NOTUM: variants seen among roughly 807,000 people sequenced by gnomAD.
The protein encoded by NOTUM is notum, palmitoleoyl-protein carboxylesterase.
Under a neutral mutation model 65.5 loss-of-function variants are expected in NOTUM, and 36 were observed. The observed-to-expected ratio is 0.55, with a 90% CI of 0.42 to 0.73. The LOEUF is 0.73. Ranked by LOEUF, NOTUM falls within the 30% of genes least tolerant of loss-of-function variation. NOTUM has a pLI of 0.00. For missense variants in NOTUM, 659 were observed against 694.2 expected (o/e 0.95, Z 0.57); for synonymous variants, 356 against 297.9 (o/e 1.20, Z -2.01).
chr17:81,957,131 C>G (rs948426890), intron 6 of NOTUM, 57 bp from the exon 7 acceptor site: 153 of 1,458,290 alleles, frequency 1.0e-4, no homozygotes, highest in Non-Finnish European at 1.3e-4. Context: ...TCACCTCCCC[C>G]GAGTCTGCTC....
At chr17:81,959,851 G>A (rs2041460906) in intron 1 of NOTUM, 159 bp from the exon 2 acceptor site, 1 of 267,186 alleles carries the variant, frequency 3.7e-6, no homozygotes, top group Admixed American at 5.5e-5. Context: ...CTCAGGGACG[G>A]CGGCGGTCCC....
In NOTUM at chr17:81,960,640, G is replaced by A. The variant is rs771194807; in HGVS notation, c.270C>T (p.Arg90=). The change falls in exon 1 of 11, where the codon CGC becomes CGT. Residue 90 remains arginine (R), a synonymous_variant. Coordinates refer to ENST00000409678, the MANE Select transcript of NOTUM (RefSeq NM_178493.6). This position sits in a 1 kb window ranked among gnomAD's most constrained non-coding sequence, Gnocchi z 6.4. ...CCGAGGTGTTGAGTAGGAGGTGCAG[G>A]CGCAGGTCCTCGTTGAGCTGCTGCG... ...CSAQQLNEDL[R]LHLLLNTSVT... is the part of the protein sequence containing the mutation. 7.0e-6 allele frequency: 11 copies of A among 1,562,094 alleles called. No individual in the cohort carries two copies. In the Admixed American group the frequency reaches 1.1e-4, roughly 16 times the overall value.
rs186440835 is a variant in NOTUM, at chr17:81,953,304, G to A, written c.1185-37C>T. On this transcript the variant is annotated intron_variant, in intron 10 of 10. Coordinates refer to ENST00000409678, the MANE Select transcript of NOTUM (RefSeq NM_178493.6). ...AACCGGGGGAGGGGGTCACATGTGC[G>A]GAGTGGCATCAACACTGAGGCAGCT... 398 of 1,449,120 alleles carry A rather than the reference G, an allele frequency of 2.7e-4. 4 individuals are homozygous for A. The East Asian group carries it at 2.8e-3, about 10-fold the overall frequency. 89.8% of individuals were successfully genotyped at this position (1,449,120 alleles called of 1,614,324 possible).
intron 8 of NOTUM, 44 bp downstream of exon 8, chr17:81,956,606 G>T: frequency 7.5e-7 from 1 of 1,335,950 alleles, no homozygotes; most frequent in Non-Finnish European, 1.1e-6. Flanking sequence ...AGGAAGTGTG[G>T]CCACCCCTGC....
intron 10 of NOTUM, among the ~76,000 whole-genome samples, chr17:81,953,753 G>A (rs1464016181): frequency 6.6e-6 from 1 of 150,390 alleles, no homozygotes; most frequent in African/African-American, 2.4e-5. Flanking sequence ...ACAGGTGTGA[G>A]CCACTGCTCA....
At chr17:81,954,984 A>C (rs369838211) in intron 9 of NOTUM, among the ~76,000 whole-genome samples, 15 of 148,902 alleles carry the variant, frequency 1.0e-4, no homozygotes, top group South Asian at 6.4e-4. Context: ...CTCTCTCTCT[A>C]TATATGTATT....
Position 81,953,275 on chromosome 17 carries a change from G to A in NOTUM, c.1185-8C>T. 6.4e-7 allele frequency: 1 copy of A among 1,568,322 alleles called. No homozygotes were observed. The highest frequency in any genetic ancestry group is 8.7e-7 in the Non-Finnish European group (1 of 1,155,032). On this transcript the variant is annotated splice_polypyrimidine_tract_variant and splice_region_variant and intron_variant, in intron 10 of 10. Coordinates refer to ENST00000409678, the MANE Select transcript of NOTUM (RefSeq NM_178493.6). ...TGGACATCCGTCCAGTGGCTGCAGA[G>A]GAAAACCGGGGGAGGGGGTCACATG...
intron 9 of NOTUM, among the ~76,000 whole-genome samples, chr17:81,955,139 C>T (rs573455600): frequency 6.6e-5 from 10 of 152,212 alleles, no homozygotes; most frequent in African/African-American, 2.4e-4. Flanking sequence ...GCCACTACAC[C>T]GGACTAATTT....
Position 81,952,715 on chromosome 17 carries a change from C to A in NOTUM, c.*246G>T. 1.8e-6 allele frequency: 1 copy of A among 567,362 alleles called. No individual in the cohort carries two copies. 35.1% of individuals were successfully genotyped at this position (567,362 alleles called of 1,614,324 possible). ...ATCCAGTGCTTCTCTTCTGGCTACC[C>A]CCTCGTTGTCAGGAAGGACCCCCAG... On this transcript the variant is annotated 3_prime_UTR_variant, in exon 11 of 11. Transcript: ENST00000409678.
At chr17:81,953,620 T>C (rs538611213) in intron 10 of NOTUM, among the ~76,000 whole-genome samples, 1 of 151,396 alleles carries the variant, frequency 6.6e-6, no homozygotes, top group African/African-American at 2.4e-5. Flanking sequence ...GTTTTGTTTT[T>C]TGAGACAAGG....
Position 81,958,330 on chromosome 17 carries a change from C to T in NOTUM, c.592+5G>A. Reference sequence around the variant, plus strand: ...CTGCCATGCCCTGGGAAGGCCGAGACTCACTCTTCTCAGACTTGGATGAAG... The same window carrying T: ...CTGCCATGCCCTGGGAAGGCCGAGATTCACTCTTCTCAGACTTGGATGAAG... On this transcript the variant is annotated splice_donor_5th_base_variant and intron_variant, in intron 5 of 10. Transcript: ENST00000409678. 6.2e-7 allele frequency: 1 copy of T among 1,601,300 alleles called. No homozygotes were observed. The highest frequency in any genetic ancestry group is 8.5e-7 in the Non-Finnish European group (1 of 1,169,872).
chr17:81,953,707 G>A (rs904599780), intron 10 of NOTUM, among the ~76,000 whole-genome samples: 1 of 151,924 alleles, frequency 6.6e-6, no homozygotes, highest in Non-Finnish European at 1.5e-5. Flanking sequence ...GAGTTCAAGT[G>A]ATCCTCCCAC....
rs771016557 is a variant in NOTUM, at chr17:81,957,797, C to T, written c.695+9G>A. ...CCCCTCACCTCCAGCCCTGCCCCGC[C>T]CTGCCCACCTGCTCCCGGCCAGCAG... On this transcript the variant is annotated intron_variant, in intron 6 of 10. Coordinates refer to ENST00000409678, the MANE Select transcript of NOTUM (RefSeq NM_178493.6). The T allele has an allele frequency of 6.9e-6, 11 of 1,589,538 alleles. No individual in the cohort carries two copies. The South Asian group carries it at 1.1e-4, about 16-fold the overall frequency.
At chr17:81,959,257 TG>T in intron 3 of NOTUM, 1 of 610,810 alleles carries the variant, frequency 1.6e-6, no homozygotes, top group Non-Finnish European at 2.9e-6. Flanking sequence ...GCTTTGACCC[TG>T]GGGAGGGCCA....
chr17:81,957,631 T>C (rs921676012), intron 6 of NOTUM, among the ~76,000 whole-genome samples, 175 bp downstream of exon 6: 20 of 152,112 alleles, frequency 1.3e-4, no homozygotes, highest in African/African-American at 4.8e-4. Context: ...CTCAGAGACG[T>C]CTCCAATGAT....
intron 5 of NOTUM, 104 bp from the exon 6 acceptor site, chr17:81,958,012 G>A: frequency 1.2e-6 from 1 of 859,094 alleles, no homozygotes; most frequent in Non-Finnish European, 1.9e-6. Flanking sequence ...TGGGGGACTG[G>A]GAGGAATCTT....
chr17:81,952,747 G>A lies in NOTUM; in HGVS notation c.*214C>T. The A allele has an allele frequency of 1.7e-6, 1 of 587,990 alleles. No individual in the cohort carries two copies. The highest frequency in any genetic ancestry group is 3.1e-5 in the Admixed American group (1 of 32,336). The allele number at this position is 587,990 out of a possible 1,614,324, so 36.4% of individuals were successfully genotyped here. ...TGTCAGGAAGGACCCCCAGGCCACA[G>A]ATGGGGATGACAGCAGGTCCCTTGT... is the stretch of plus-strand genomic sequence containing the variant. On this transcript the variant is annotated 3_prime_UTR_variant, in exon 11 of 11. Coordinates refer to ENST00000409678, the MANE Select transcript of NOTUM (RefSeq NM_178493.6).
At chr17:81,954,763 G>A (rs1222025685) in intron 9 of NOTUM, among the ~76,000 whole-genome samples, 1 of 152,038 alleles carries the variant, frequency 6.6e-6, no homozygotes, top group Non-Finnish European at 1.5e-5. Context: ...GATTACAGGT[G>A]ATGCCACCAT....
chr17:81,952,952 A>G lies in NOTUM; in HGVS notation c.*9T>C. 2 of 1,612,232 alleles carry G rather than the reference A, an allele frequency of 1.2e-6. No homozygotes were observed. The highest frequency in any genetic ancestry group is 1.7e-6 in the Non-Finnish European group (2 of 1,179,424). ...CCCTCAGTGCCGGCTCCTCCTCCAG[A>G]CAGTCTGCCTAGCTTCCGTTGCTCA... On this transcript the variant is annotated 3_prime_UTR_variant, in exon 11 of 11. Coordinates refer to ENST00000409678, the MANE Select transcript of NOTUM (RefSeq NM_178493.6).
Sources: allele counts gnomAD v4.1 joint callset (sites outside exome capture counted in the v4.1 genomes callset), GRCh38; gene constraint gnomAD v4.1.1; non-coding constraint Gnocchi (gnomAD v3.1); transcripts MANE v1.5; gene names NCBI Gene and HGNC (gene_info 2026-07-23, HGNC 2026-07-21).